The following TGDS variants were observed in gnomAD, a reference collection of about 807,000 sequenced individuals.
The protein encoded by TGDS is UDP-D-glucose 4,6-dehydratase.
TGDS carries 47 observed loss-of-function variants against 52.3 expected under a neutral mutation model. The ratio of observed to expected loss-of-function variants is 0.90; its 90% CI spans 0.71 to 1.15. The LOEUF (loss-of-function observed/expected upper bound fraction) is 1.15, where lower values mean the gene tolerates loss of function less well. TGDS is among the 50% of genes most tolerant of loss of function. The probability of loss-of-function intolerance (pLI) is 0.00; values close to 1 mark genes in which losing one functional copy is unlikely to be tolerated. For synonymous variants in TGDS, 115 were observed against 136.9 expected (o/e 0.84, Z 1.12); for missense variants, 375 against 418.4 (o/e 0.90, Z 0.90).
At chr13:94,591,193 C>G (rs530489675) in intron 3 of TGDS, among the ~76,000 whole-genome samples, 1 of 152,330 alleles carries the variant, frequency 6.6e-6, no homozygotes, top group South Asian at 2.1e-4. Context: ...AAGTACCATG[C>G]TAGTGTTGTC....
intron 5 of TGDS, among the ~76,000 whole-genome samples, chr13:94,582,736 C>T (rs373665853): frequency 1.3e-5 from 2 of 152,274 alleles, no homozygotes; most frequent in East Asian, 3.9e-4. Flanking sequence ...GGCAGAAAAA[C>T]ATGAATAGAC....
intron 7 of TGDS, chr13:94,579,603 T>C: frequency 4.3e-6 from 1 of 235,104 alleles, no homozygotes; most frequent in Non-Finnish European, 8.2e-6. Context: ...TCTATAGTGC[T>C]TTAGAGTCTT....
At chr13:94,590,119 GATTA>G (rs1181429265) in intron 4 of TGDS, among the ~76,000 whole-genome samples, 21 of 148,950 alleles carry the variant, frequency 1.4e-4, no homozygotes, top group African/African-American at 4.7e-4. Context: ...CAACTCCATG[GATTA>G]ATCTACATCG....
intron 4 of TGDS, among the ~76,000 whole-genome samples, chr13:94,585,974 T>C (rs1306553620): frequency 2.0e-5 from 3 of 151,970 alleles, no homozygotes; most frequent in Admixed American, 6.6e-5. Context: ...GAACATATAA[T>C]TTCCAAACTA....
At position 94,580,394 on chromosome 13, in the gene TGDS, T is replaced by A. The variant is rs113677271; in HGVS notation, c.556-441A>T. On this transcript the variant is annotated intron_variant, in intron 6 of 11. Coordinates refer to ENST00000261296, the MANE Select transcript of TGDS (RefSeq NM_014305.4). ...CAAATGGTGAGGGAATCTTTAGGAA[T>A]TCCAAGGCTTGCCTCTCTGACCCAG... Among the ~76,000 whole-genome samples the A allele has an allele frequency of 7.1e-4, 108 of 152,298 alleles. 1 individual carries two copies. The highest frequency in any genetic ancestry group is 2.6e-3 in the African/African-American group (107 of 41,574).
In TGDS at chr13:94,576,413, T is replaced by G. The variant is rs775253964; in HGVS notation, c.885-2A>C. 5.7e-6 allele frequency: 9 copies of G among 1,571,094 alleles called. No individual in the cohort carries two copies. The South Asian group carries it at 1.1e-4, about 19-fold the overall frequency. On this transcript the variant is annotated splice_acceptor_variant, in intron 10 of 11. Transcript: ENST00000261296. LOFTEE classifies it high-confidence loss of function. ...GGGTATCTCATGTCATTGGTGGGTC[T>G]TGGAAAACAAAACAGATTTAAAATA...
chr13:94,596,247 C>CG (rs2139553237), upstream of TGDS: 1 of 1,172,034 alleles, frequency 8.5e-7, no homozygotes, highest in African/African-American at 1.5e-5. Context: ...GTTAACAGAG[C>CG]AGCCAGAGGC....
intron 4 of TGDS, among the ~76,000 whole-genome samples, chr13:94,587,146 T>C (rs138221442): frequency 1.0e-4 from 15 of 146,448 alleles, no homozygotes; most frequent in African/African-American, 3.9e-4. Flanking sequence ...TAGAAGTAAA[T>C]TTATAGTCTA....
intron 4 of TGDS, among the ~76,000 whole-genome samples, chr13:94,584,221 G>T (rs1254964965): frequency 6.6e-6 from 1 of 152,118 alleles, no homozygotes; most frequent in South Asian, 2.1e-4. Flanking sequence ...TCATCTTAAG[G>T]CCTAACCCCT....
rs578059376 is a variant in TGDS at position 94,583,469 on chromosome 13, A to C, written c.314-233T>G. ...AAAACTAATGTTAAATTTGCAGGAA[A>C]GTTTTTTATTCTATAAGGAAGAAAA... On this transcript the variant is annotated intron_variant, in intron 4 of 11. Coordinates refer to ENST00000261296, the MANE Select transcript of TGDS (RefSeq NM_014305.4). Among the ~76,000 whole-genome samples, 8 of 152,338 alleles carry C rather than the reference A, an allele frequency of 5.3e-5. No homozygotes were observed. In the South Asian group the frequency reaches 1.2e-3, roughly 24 times the overall value.
chr13:94,582,849 C>T (rs1452073610), intron 5 of TGDS, among the ~76,000 whole-genome samples: 1 of 152,210 alleles, frequency 6.6e-6, no homozygotes, highest in Non-Finnish European at 1.5e-5. Flanking sequence ...CTCAGACTGG[C>T]TCTCCTTGCT....
chr13:94,579,485 C>T (rs1402217220), intron 7 of TGDS: 1 of 154,770 alleles, frequency 6.5e-6, no homozygotes, highest in East Asian at 1.9e-4. Flanking sequence ...TGTATACAAG[C>T]TTCTTGCATC....
At chr13:94,576,205 C>T (rs937543411) in intron 11 of TGDS, 109 bp downstream of exon 11, 11 of 644,700 alleles carry the variant, frequency 1.7e-5, no homozygotes, top group African/African-American at 3.8e-5. Flanking sequence ...TTGAAAAGTA[C>T]GAATGATTCA....
At chr13:94,576,437 T>C in intron 10 of TGDS, 26 bp from the exon 11 acceptor site, 2 of 1,467,182 alleles carry the variant, frequency 1.4e-6, no homozygotes, top group Non-Finnish European at 1.9e-6. Context: ...AGATTTAAAA[T>C]AATATTGTAG....
rs138663949 is a variant in TGDS at position 94,577,699 on chromosome 13, A to G, written c.826-270T>C. 6.8e-3 allele frequency among the ~76,000 whole-genome samples: 1,033 copies of G among 152,324 alleles called. 11 individuals carry two copies. The highest frequency in any genetic ancestry group is 0.024 in the African/African-American group (990 of 41,572). ...TGTCCCCTAATATACATGGACATTC[A>G]TAACTACTAATGTAATTATTTTATA... On this transcript the variant is annotated intron_variant, in intron 9 of 11. Coordinates refer to ENST00000261296, the MANE Select transcript of TGDS (RefSeq NM_014305.4).
Position 94,574,762 on chromosome 13 carries a change from C to A in TGDS, c.*20G>T. On this transcript the variant is annotated 3_prime_UTR_variant, in exon 12 of 12. Coordinates refer to ENST00000261296, the MANE Select transcript of TGDS (RefSeq NM_014305.4). ...GATAACTTTCTTCTTTGACAACTGT[C>A]TCGACTATATAAATGGTGATTATAC... is the stretch of plus-strand genomic sequence containing the variant. 1 of 1,524,940 alleles carries A rather than the reference C, an allele frequency of 6.6e-7. No homozygotes were observed. The highest frequency in any genetic ancestry group is 2.3e-5 in the East Asian group (1 of 44,270). The allele number at this position is 1,524,940 out of a possible 1,614,324, so 94.5% of individuals were successfully genotyped here. A position where few individuals can be genotyped will look rare whatever the true frequency, so the allele number is the denominator to read the frequency against.
In TGDS at chr13:94,581,090, C is replaced by G. The variant is rs1888772755; in HGVS notation, c.555+1G>C. ...CAAGAGTTTCTGCAATCAGTTCTTACCTTATATTGTTCCCAGTAAGACTGT... is the reference window on the plus strand; with the variant it reads ...CAAGAGTTTCTGCAATCAGTTCTTAGCTTATATTGTTCCCAGTAAGACTGT... On this transcript the variant is annotated splice_donor_variant, in intron 6 of 11. Transcript: ENST00000261296. LOFTEE classifies it high-confidence loss of function. 1 of 1,525,178 alleles carries G rather than the reference C, an allele frequency of 6.6e-7. No individual in the cohort carries two copies. Among genetic ancestry groups the G allele is most frequent in the African/African-American group, 1.4e-5 (1 of 72,926 alleles). The allele number at this position is 1,525,178 out of a possible 1,614,324, so 94.5% of individuals were successfully genotyped here. A position where few individuals can be genotyped will look rare whatever the true frequency, so the allele number is the denominator to read the frequency against.
chr13:94,580,650 A>C (rs969636529), intron 6 of TGDS, among the ~76,000 whole-genome samples: 2 of 152,186 alleles, frequency 1.3e-5, no homozygotes, highest in Non-Finnish European at 2.9e-5. Context: ...CCTCACTCTG[A>C]CTATAGCTGT....
At chr13:94,588,037 C>A (rs7998025) in intron 4 of TGDS, among the ~76,000 whole-genome samples, 97,076 of 146,294 alleles carry the variant, frequency 0.66, 32,524 homozygotes, top group Admixed American at 0.72. Flanking sequence ...AAGAGCACTA[C>A]CCCTAAAGAA....
Sources: allele counts gnomAD v4.1 joint callset (sites outside exome capture counted in the v4.1 genomes callset), GRCh38; gene constraint gnomAD v4.1.1; transcripts MANE v1.5; gene names NCBI Gene and HGNC (gene_info 2026-07-23, HGNC 2026-07-21).